SAMD4A: variants seen among roughly 807,000 people sequenced by gnomAD.
The protein encoded by SAMD4A is sterile alpha motif domain containing 4A, also known as protein Smaug homolog 1.
In SAMD4A, 33 loss-of-function variants were observed where a neutral mutation model predicts 81.3. The ratio of observed to expected loss-of-function variants is 0.41; its 90% CI spans 0.31 to 0.54. The LOEUF (loss-of-function observed/expected upper bound fraction) is 0.54, where lower values mean the gene tolerates loss of function less well. SAMD4A is among the 20% of genes least tolerant of loss of function. The probability of loss-of-function intolerance (pLI) is 0.37; values close to 1 mark genes in which losing one functional copy is unlikely to be tolerated. For missense variants in SAMD4A, 854 were observed against 951.1 expected (o/e 0.90, Z 1.34); for synonymous variants, 389 against 382.1 (o/e 1.02, Z -0.21).
At chr14:54,616,434 T>C (rs2034494347) in intron 2 of SAMD4A, among the ~76,000 whole-genome samples, 1 of 152,236 alleles carries the variant, frequency 6.6e-6, no homozygotes, top group Admixed American at 6.5e-5. Flanking sequence ...AGAAGCCTAT[T>C]CTGCCAGTGA....
At chr14:54,747,973 C>T (rs749663364) in intron 4 of SAMD4A, among the ~76,000 whole-genome samples, 1 of 152,154 alleles carries the variant, frequency 6.6e-6, no homozygotes, top group Non-Finnish European at 1.5e-5. Flanking sequence ...ATGCAGTTAC[C>T]CTTTACTTTT....
At chr14:54,616,834 A>G (rs2034503030) in intron 2 of SAMD4A, among the ~76,000 whole-genome samples, 1 of 152,228 alleles carries the variant, frequency 6.6e-6, no homozygotes, top group Non-Finnish European at 1.5e-5. Flanking sequence ...TGTACGTAAC[A>G]GGAATTCTGA....
chr14:54,675,041 C>T (rs2035960747), intron 2 of SAMD4A, among the ~76,000 whole-genome samples: 1 of 152,136 alleles, frequency 6.6e-6, no homozygotes, highest in Non-Finnish European at 1.5e-5. Context: ...GTGTGAGCCA[C>T]TGTGGTTGGC....
chr14:54,687,973 C>T, intron 2 of SAMD4A: 1 of 985,968 alleles, frequency 1.0e-6, no homozygotes, highest in Non-Finnish European at 1.2e-6. Flanking sequence ...GCCAGACACT[C>T]AATAATGATG....
chr14:54,668,456 AGTTTACAGGTGAGAAAGCCACAGAGGG>A (rs2035801466), intron 2 of SAMD4A, among the ~76,000 whole-genome samples: 1 of 152,194 alleles, frequency 6.6e-6, no homozygotes, highest in African/African-American at 2.4e-5. Context: ...AGGATCTTGG[AGTTTACAGGTGAGAAAGCCACAGAGGG>A]GTTAATGACA....
At chr14:54,659,214 C>T (rs1187651984) in intron 2 of SAMD4A, among the ~76,000 whole-genome samples, 2 of 152,184 alleles carry the variant, frequency 1.3e-5, no homozygotes, top group African/African-American at 4.8e-5. Flanking sequence ...GTTGAAGACA[C>T]TAGGGTTACC....
At chr14:54,630,924 G>A (rs865853561) in intron 2 of SAMD4A, among the ~76,000 whole-genome samples, 131 of 150,420 alleles carry the variant, frequency 8.7e-4, no homozygotes, top group African/African-American at 3.0e-3. Context: ...GTGTGTGTGT[G>A]TGTGTGTGTG....
chr14:54,724,016 G>GGAAGGAAGGAA (rs1555347554), intron 3 of SAMD4A, among the ~76,000 whole-genome samples: 19 of 145,766 alleles, frequency 1.3e-4, no homozygotes, highest in Non-Finnish European at 1.1e-4. Context: ...ATGGAAGGAA[G>GGAAGGAAGGAA]GAAGGAAGGA....
chr14:54,730,471 T>C (rs2037535113), intron 3 of SAMD4A, among the ~76,000 whole-genome samples: 2 of 152,206 alleles, frequency 1.3e-5, no homozygotes, highest in Non-Finnish European at 2.9e-5. Context: ...ACATCTTTGC[T>C]TTGTAGCATG....
intron 2 of SAMD4A, among the ~76,000 whole-genome samples, chr14:54,686,930 C>A (rs1033262698): frequency 3.3e-5 from 5 of 152,140 alleles, no homozygotes; most frequent in African/African-American, 1.2e-4. Flanking sequence ...CTGCCCTGGC[C>A]CATCAGTTGT....
chr14:54,756,607 G>C (rs1475811934), intron 6 of SAMD4A, among the ~76,000 whole-genome samples: 2 of 152,188 alleles, frequency 1.3e-5, no homozygotes, highest in Admixed American at 6.5e-5. Context: ...GGGTGCATGA[G>C]AGGAGGAAAG....
At chr14:54,650,013 T>G (rs756679654) in intron 2 of SAMD4A, among the ~76,000 whole-genome samples, 13 of 152,204 alleles carry the variant, frequency 8.5e-5, no homozygotes, top group Non-Finnish European at 1.9e-4. Context: ...ACTTATGATA[T>G]ACCACTAGGG....
chr14:54,774,836 TGAGG>T, intron 9 of SAMD4A, 94 bp from the exon 10 acceptor site: 5 of 893,948 alleles, frequency 5.6e-6, no homozygotes, highest in Non-Finnish European at 8.1e-6. Flanking sequence ...AAAAAAAAAA[TGAGG>T]AGACCTCCAA....
intron 2 of SAMD4A, among the ~76,000 whole-genome samples, chr14:54,572,928 T>C (rs1346390462): frequency 6.6e-6 from 1 of 152,220 alleles, no homozygotes; most frequent in Non-Finnish European, 1.5e-5. Context: ...CCTAAAAAGA[T>C]ATAAGTCTAC....
intron 2 of SAMD4A, among the ~76,000 whole-genome samples, chr14:54,645,798 CT>C (rs1566564265): frequency 6.6e-6 from 1 of 152,186 alleles, no homozygotes; most frequent in Non-Finnish European, 1.5e-5. Context: ...CTGTTTCCCT[CT>C]GAGTTTTGAC....
chr14:54,744,738 C>T (rs2037926250), intron 4 of SAMD4A, among the ~76,000 whole-genome samples: 2 of 152,166 alleles, frequency 1.3e-5, no homozygotes, highest in South Asian at 2.1e-4. Context: ...TGGCTCTCAC[C>T]CCATGCTCTT....
At chr14:54,607,277 T>G (rs1303466529) in intron 2 of SAMD4A, among the ~76,000 whole-genome samples, 1 of 151,844 alleles carries the variant, frequency 6.6e-6, no homozygotes, top group African/African-American at 2.4e-5. Flanking sequence ...GCAGGTAGAT[T>G]TGGTTTTCAT....
chr14:54,636,248 A>G (rs2035032646), intron 2 of SAMD4A, among the ~76,000 whole-genome samples: 1 of 152,146 alleles, frequency 6.6e-6, no homozygotes, highest in African/African-American at 2.4e-5. Context: ...GGGAACGGCC[A>G]TTACAAAAGC....
intron 2 of SAMD4A, among the ~76,000 whole-genome samples, chr14:54,679,906 A>G (rs547130945): frequency 3.3e-5 from 5 of 152,358 alleles, no homozygotes; most frequent in Admixed American, 6.5e-5. Flanking sequence ...AAGATTTGAC[A>G]AGAGGATTCT....
Sources: gnomAD v4.1 joint callset for allele counts (sites outside exome capture counted in the v4.1 genomes callset) on GRCh38, gnomAD v4.1.1 for gene constraint, MANE v1.5 for transcripts, NCBI Gene and HGNC (gene_info 2026-07-23, HGNC 2026-07-21) for gene names.